Variants in MACROD2 observed in about 807,000 individuals in gnomAD.
The protein encoded by MACROD2 is mono-ADP ribosylhydrolase 2.
In MACROD2, 36 loss-of-function variants were observed where a neutral mutation model predicts 70.4. The observed-to-expected ratio is 0.51, with a 90% CI of 0.39 to 0.68. MACROD2 has a LOEUF of 0.68. MACROD2 is among the 30% of genes least tolerant of loss of function. The pLI, the probability that MACROD2 is intolerant of heterozygous loss-of-function variation, is 0.00. For missense variants in MACROD2, 496 were observed against 538.4 expected, an observed-to-expected ratio of 0.92 and a Z score of 0.78; for synonymous variants, 172 against 178.8, an observed-to-expected ratio of 0.96 and a Z score of 0.30.
At chr20:15,415,002 G>T (rs741393) in intron 6 of MACROD2, among the ~76,000 whole-genome samples, 8,383 of 152,216 alleles carry the variant, frequency 0.055, 723 homozygotes, top group African/African-American at 0.19. Flanking sequence ...CCCTGTACCT[G>T]GAGAAGTTTA....
chr20:14,851,179 C>A (rs2073195535), intron 5 of MACROD2, among the ~76,000 whole-genome samples: 2 of 151,816 alleles, frequency 1.3e-5, no homozygotes. Flanking sequence ...TTTTTTAAGA[C>A]TACACAGGTG....
intron 2 of MACROD2, among the ~76,000 whole-genome samples, chr20:14,012,943 C>G (rs1471433306): frequency 1.3e-5 from 2 of 152,046 alleles, no homozygotes; most frequent in Admixed American, 1.3e-4. Context: ...GCCTCTTTAC[C>G]TTTGTTTACC....
chr20:15,857,857 GT>G (rs985071606), intron 8 of MACROD2, among the ~76,000 whole-genome samples: 37 of 152,298 alleles, frequency 2.4e-4, no homozygotes, highest in African/African-American at 8.9e-4. Context: ...CACAGAACTA[GT>G]GACAGGCCTA....
chr20:14,600,980 A>G (rs992061404), intron 4 of MACROD2, among the ~76,000 whole-genome samples: 1 of 152,206 alleles, frequency 6.6e-6, no homozygotes, highest in African/African-American at 2.4e-5. Context: ...CTTGCTTTAA[A>G]TGGAAGCCTC....
intron 5 of MACROD2, among the ~76,000 whole-genome samples, chr20:14,810,582 C>G (rs2072697378): frequency 6.6e-6 from 1 of 152,110 alleles, no homozygotes; most frequent in Non-Finnish European, 1.5e-5. Flanking sequence ...ATTGGAAGTT[C>G]TGGCCAGGGC....
At chr20:15,479,858 C>A (rs1030704434) in intron 7 of MACROD2, among the ~76,000 whole-genome samples, 2 of 152,030 alleles carry the variant, frequency 1.3e-5, no homozygotes, top group Non-Finnish European at 2.9e-5. Flanking sequence ...TAATTGACAC[C>A]CACCGACTGT....
chr20:15,797,696 G>A (rs2063687851), intron 8 of MACROD2, among the ~76,000 whole-genome samples: 1 of 152,160 alleles, frequency 6.6e-6, no homozygotes, highest in African/African-American at 2.4e-5. Flanking sequence ...ACTAAGGGTT[G>A]GGATGTTGCA....
At chr20:15,618,732 G>T (rs1291735468) in intron 8 of MACROD2, among the ~76,000 whole-genome samples, 8 of 152,200 alleles carry the variant, frequency 5.3e-5, no homozygotes, top group Non-Finnish European at 1.2e-4. Context: ...AGGGGCAGAA[G>T]CCATCACAGG....
At chr20:14,901,235 G>A (rs1328833284) in intron 5 of MACROD2, among the ~76,000 whole-genome samples, 2 of 151,890 alleles carry the variant, frequency 1.3e-5, no homozygotes, top group African/African-American at 2.4e-5. Flanking sequence ...ATAGTACTTA[G>A]CATTAGACAA....
chr20:15,670,106 A>G (rs1280928616), intron 8 of MACROD2, among the ~76,000 whole-genome samples: 5 of 152,200 alleles, frequency 3.3e-5, no homozygotes. Context: ...AATATGTAGT[A>G]CCTTTCTCTG....
chr20:15,756,362 C>A (rs2051346831), intron 8 of MACROD2, among the ~76,000 whole-genome samples: 1 of 151,918 alleles, frequency 6.6e-6, no homozygotes, highest in African/African-American at 2.4e-5. Context: ...ATAATGTATT[C>A]AGTTTAATTA....
At chr20:14,662,363 A>C (rs977326485) in intron 4 of MACROD2, among the ~76,000 whole-genome samples, 1 of 152,056 alleles carries the variant, frequency 6.6e-6, no homozygotes, top group African/African-American at 2.4e-5. Flanking sequence ...ACTTCAATGT[A>C]AAACCCAAAA....
chr20:15,217,244 G>T (rs175269), intron 5 of MACROD2, among the ~76,000 whole-genome samples: 97,616 of 152,036 alleles, frequency 0.64, 32,936 homozygotes, highest in African/African-American at 0.83. Context: ...CCTATCCCAT[G>T]TATGCACGTG....
intron 4 of MACROD2, among the ~76,000 whole-genome samples, chr20:14,501,635 ATAAT>A (rs1331423016): frequency 1.3e-5 from 2 of 152,088 alleles, no homozygotes; most frequent in African/African-American, 4.8e-5. Flanking sequence ...TGTATGTTTC[ATAAT>A]TAACTCTTTT....
chr20:14,875,074 T>C (rs1035398569), intron 5 of MACROD2, among the ~76,000 whole-genome samples: 2 of 152,026 alleles, frequency 1.3e-5, no homozygotes, highest in Admixed American at 1.3e-4. Context: ...TGTGTGTTGA[T>C]GGTTTCAATT....
intron 5 of MACROD2, among the ~76,000 whole-genome samples, chr20:15,176,462 A>AT (rs1428622654): frequency 6.6e-6 from 1 of 152,098 alleles, no homozygotes; most frequent in Non-Finnish European, 1.5e-5. Context: ...TTATGAGCCC[A>AT]TAAAAACCCC....
chr20:15,472,237 C>A (rs770018184), intron 7 of MACROD2, among the ~76,000 whole-genome samples: 14 of 152,158 alleles, frequency 9.2e-5, no homozygotes, highest in Non-Finnish European at 2.1e-4. Context: ...AAAAGGCTTT[C>A]TCTTGACTTT....
chr20:14,775,369 A>T (rs2072220267), intron 5 of MACROD2, among the ~76,000 whole-genome samples: 1 of 152,098 alleles, frequency 6.6e-6, no homozygotes, highest in East Asian at 1.9e-4. Context: ...TAAGAAGCAT[A>T]GTGGTGGCAT....
chr20:15,986,216 A>C (rs191768159), intron 13 of MACROD2, among the ~76,000 whole-genome samples: 1 of 152,300 alleles, frequency 6.6e-6, no homozygotes, highest in African/African-American at 2.4e-5. Flanking sequence ...AACAATATAA[A>C]GCGATACGGG....
Sources: allele counts gnomAD v4.1 joint callset (sites outside exome capture counted in the v4.1 genomes callset), GRCh38; gene constraint gnomAD v4.1.1; transcripts MANE v1.5; gene names NCBI Gene and HGNC (gene_info 2026-07-23, HGNC 2026-07-21).